Variants in NBL1 observed in about 807,000 individuals in gnomAD.
NBL1 encodes neuroblastoma suppressor of tumorigenicity 1.
In NBL1, 9 loss-of-function variants were observed where a neutral mutation model predicts 16.0. The ratio of observed to expected loss-of-function variants is 0.56; its 90% CI spans 0.34 to 0.98. The LOEUF is 0.98. Ranked by LOEUF, NBL1 falls within the 50% of genes least tolerant of loss-of-function variation. NBL1 has a pLI of 0.02. For synonymous variants in NBL1, 86 were observed against 100.7 expected (o/e 0.85, Z 0.87); for missense variants, 196 against 243.1 (o/e 0.81, Z 1.29).
intron 1 of NBL1, among the ~76,000 whole-genome samples, chr1:19,649,887 C>T (rs2095012683): frequency 6.6e-6 from 1 of 152,182 alleles, no homozygotes; most frequent in Non-Finnish European, 1.5e-5. Flanking sequence ...TCTTGAATTC[C>T]TGAGCTCAAG....
At position 19,655,325 on chromosome 1, in the gene NBL1, G is replaced by C; in HGVS notation, c.172G>C (p.Ala58Pro). 6.2e-7 allele frequency: 1 copy of C among 1,613,930 alleles called. No homozygotes were observed. Among genetic ancestry groups the C allele is most frequent in the Non-Finnish European group, 8.5e-7 (1 of 1,179,884 alleles). Residue 58 changes from alanine (A) to proline (P), a missense_variant and splice_region_variant, in exon 3 of 4, where the codon GCG becomes CCG. Transcript: ENST00000375136. ...GCEAKSIQNR[A>P]CLGQCFSYSV... The stretch of plus-strand genomic sequence containing the variant: ...GCATGGTGACCTCTCCTCCCACAGG[G>C]CGTGCCTAGGACAGTGCTTCAGCTA...
At chr1:19,654,939 T>C (rs2100441441) in intron 1 of NBL1, 73 bp from the exon 2 acceptor site, 1 of 1,468,300 alleles carries the variant, frequency 6.8e-7, no homozygotes, top group Non-Finnish European at 9.0e-7. Flanking sequence ...GATGCCAGAG[T>C]CCATGCTGTA....
intron 1 of NBL1, among the ~76,000 whole-genome samples, chr1:19,653,285 CA>C (rs10631531): frequency 4.0e-3 from 368 of 92,814 alleles, no homozygotes; most frequent in East Asian, 0.025. Flanking sequence ...GACTCCGTCT[CA>C]AAAAAAAAAA....
rs2095065895 is a variant in NBL1 at position 19,658,098 on chromosome 1, C to G, written c.*969C>G. On this transcript the variant is annotated 3_prime_UTR_variant, in exon 4 of 4. Transcript: ENST00000375136. Reference sequence around the variant, plus strand: ...TAGGCGGGATGGGCTCGCTGAACCTCGAGGAACTCCAGGACGAGGAGGACA... The same window carrying G: ...TAGGCGGGATGGGCTCGCTGAACCTGGAGGAACTCCAGGACGAGGAGGACA... 6.5e-6 allele frequency: 1 copy of G among 152,746 alleles called. No homozygotes were observed. Among genetic ancestry groups the G allele is most frequent in the African/African-American group, 2.4e-5 (1 of 41,434 alleles). The allele number at this position is 152,746 out of a possible 1,614,324, so 9.5% of individuals were successfully genotyped here.
At chr1:19,650,469 T>C (rs1232426647) in intron 1 of NBL1, among the ~76,000 whole-genome samples, 1 of 152,154 alleles carries the variant, frequency 6.6e-6, no homozygotes, top group Non-Finnish European at 1.5e-5. Context: ...CACCCTTGCC[T>C]TTCTCCCCAC....
intron 1 of NBL1, among the ~76,000 whole-genome samples, chr1:19,647,850 GGTGTGTGTGTGTGTGCGT>G (rs1388253393): frequency 7.0e-5 from 10 of 143,390 alleles, no homozygotes; most frequent in East Asian, 4.0e-4. Flanking sequence ...GGAAAGGCCT[GGTGTGTGTGTGTGTGCGT>G]GTGTGTGTGT....
chr1:19,650,179 A>G (rs2095015225), intron 1 of NBL1, among the ~76,000 whole-genome samples: 1 of 152,214 alleles, frequency 6.6e-6, no homozygotes, highest in Admixed American at 6.5e-5. Context: ...GGGCTATGCC[A>G]TATAGCCTAG....
At chr1:19,648,484 G>A (rs2094999169) in intron 1 of NBL1, among the ~76,000 whole-genome samples, 1 of 152,216 alleles carries the variant, frequency 6.6e-6, no homozygotes, top group Admixed American at 6.5e-5. Flanking sequence ...TCAGGAAAGA[G>A]GTGTCACAGG....
In NBL1 at chr1:19,645,790, AG is replaced by A. The variant is rs2094975754; in HGVS notation, c.-20+1345del. 7.8e-6 allele frequency: 11 copies of A among 1,418,894 alleles called. No individual in the cohort carries two copies. The South Asian group carries it at 1.6e-4, about 20-fold the overall frequency. 87.9% of individuals were successfully genotyped at this position (1,418,894 alleles called of 1,614,324 possible). ...TGTGTTTTGGAGGGGTGGACAGGGG[AG>A]TAGGTGTTCTGCATCGGCCAGGGAT... On this transcript the variant is annotated intron_variant, in intron 1 of 3. Transcript: ENST00000375136.
chr1:19,648,904 T>C (rs1570552428), intron 1 of NBL1, among the ~76,000 whole-genome samples: 2 of 152,202 alleles, frequency 1.3e-5, no homozygotes, highest in East Asian at 3.9e-4. Flanking sequence ...GGGTCAGCCA[T>C]GGCCACAAGA....
intron 1 of NBL1, among the ~76,000 whole-genome samples, chr1:19,653,777 C>T (rs943353600): frequency 2.6e-5 from 4 of 152,254 alleles, no homozygotes; most frequent in Non-Finnish European, 5.9e-5. Flanking sequence ...CTCCCTCTCC[C>T]GTGCTTTTTG....
At chr1:19,644,189 C>G, upstream of NBL1, 3 of 979,986 alleles carry the variant, frequency 3.1e-6, no homozygotes, top group Non-Finnish European at 3.6e-6. This position sits in a 1 kb window ranked among gnomAD's most constrained non-coding sequence, Gnocchi z 4.6. Context: ...GGAGAGGCCG[C>G]GCGCGCCCGC....
At chr1:19,645,352 A>G (rs2094972427) in intron 1 of NBL1, 2 of 985,514 alleles carry the variant, frequency 2.0e-6, no homozygotes, top group Non-Finnish European at 1.2e-6. Flanking sequence ...GCCCGCTCCC[A>G]GGGCGGGGCG....
chr1:19,657,539 A>G lies in NBL1; in HGVS notation c.*410A>G, dbSNP rs2095063060. ...CTGAGGTCCCGGGCTTAGTGTGAGCATCTTGCCAGCCTCAGGCTTGAGGGA... is the reference window on the plus strand; with the variant it reads ...CTGAGGTCCCGGGCTTAGTGTGAGCGTCTTGCCAGCCTCAGGCTTGAGGGA... On this transcript the variant is annotated 3_prime_UTR_variant, in exon 4 of 4. Transcript: ENST00000375136. 6.5e-6 allele frequency: 1 copy of G among 153,824 alleles called. No homozygotes were observed. Among genetic ancestry groups the G allele is most frequent in the Non-Finnish European group, 1.5e-5 (1 of 68,952 alleles). The allele number at this position is 153,824 out of a possible 1,614,324, so 9.5% of individuals were successfully genotyped here.
chr1:19,644,521 C>T lies in NBL1; in HGVS notation c.-20+75C>T. ...GGCCGCGGGGGCAGTGCCGCGCCCC[C>T]AGCCCGGAGCTGCGTCCCCCGGCGC... On this transcript the variant is annotated intron_variant, in intron 1 of 3. Coordinates refer to ENST00000375136, the MANE Select transcript of NBL1 (RefSeq NM_005380.8). This position sits in a 1 kb window ranked among gnomAD's most constrained non-coding sequence, Gnocchi z 4.6. 1.2e-6 allele frequency: 1 copy of T among 834,870 alleles called. No individual in the cohort carries two copies. Among genetic ancestry groups the T allele is most frequent in the Middle Eastern group, 6.1e-4 (1 of 1,644 alleles). 51.7% of individuals were successfully genotyped at this position (834,870 alleles called of 1,614,324 possible). A position where few individuals can be genotyped will look rare whatever the true frequency, so the allele number is the denominator to read the frequency against.
At position 19,644,316 on chromosome 1, in the gene NBL1, CA is replaced by C; in HGVS notation, c.-149del. The C allele has an allele frequency of 5.1e-6, 5 of 979,720 alleles. No homozygotes were observed. The highest frequency in any genetic ancestry group is 6.0e-6 in the Non-Finnish European group (5 of 827,774). 60.7% of individuals were successfully genotyped at this position (979,720 alleles called of 1,614,324 possible). A position where few individuals can be genotyped will look rare whatever the true frequency, so the allele number is the denominator to read the frequency against. On this transcript the variant is annotated 5_prime_UTR_variant, in exon 1 of 4. Coordinates refer to ENST00000375136, the MANE Select transcript of NBL1 (RefSeq NM_005380.8). The surrounding 1 kb of genome is among the most constrained non-coding windows in gnomAD (Gnocchi z 4.6). ...CCGCGCGCCCGCCCGGGGCCGCAGA[CA>C]GCGCGCAGCGCAGCCCAGCCGAGCG...
chr1:19,656,942 G>C lies in NBL1; in HGVS notation c.359G>C (p.Cys120Ser). The C allele has an allele frequency of 6.2e-7, 1 of 1,612,912 alleles. No homozygotes were observed. The highest frequency in any genetic ancestry group is 2.2e-5 in the East Asian group (1 of 44,860). The stretch of plus-strand genomic sequence containing the variant: ...GTGGAGAAGATCCTGCACTGTAGCT[G>C]CCAGGCCTGCGGCAAGGAGCCTAGT... ...KLVEKILHCS[C>S]QACGKEPSHE... Residue 120 changes from cysteine to serine, a missense_variant, in exon 4 of 4, where the codon TGC (cysteine) becomes TCC (serine). Coordinates refer to ENST00000375136, the MANE Select transcript of NBL1 (RefSeq NM_005380.8).
At position 19,644,673 on chromosome 1, in the gene NBL1, C is replaced by A. The variant is rs2094967051; in HGVS notation, c.-20+227C>A. On this transcript the variant is annotated intron_variant, in intron 1 of 3. Coordinates refer to ENST00000375136, the MANE Select transcript of NBL1 (RefSeq NM_005380.8). This position sits in a 1 kb window ranked among gnomAD's most constrained non-coding sequence, Gnocchi z 4.6. The stretch of plus-strand genomic sequence containing the variant: ...GCGGCACGGGGTGGCCGGGGGGCAC[C>A]GCCGCGTCCGGAGCCCGTCCCCAGA... Among the ~76,000 whole-genome samples, 1 of 151,738 alleles carries A rather than the reference C, an allele frequency of 6.6e-6. No individual in the cohort carries two copies. Among genetic ancestry groups the A allele is most frequent in the Non-Finnish European group, 1.5e-5 (1 of 67,852 alleles).
chr1:19,645,695 C>A, intron 1 of NBL1: 1 of 1,254,330 alleles, frequency 8.0e-7, no homozygotes, highest in Non-Finnish European at 1.0e-6. Flanking sequence ...AAAGGCGAGG[C>A]TGCAGCGTTT....
Sources: gnomAD v4.1 joint callset for allele counts (sites outside exome capture counted in the v4.1 genomes callset) on GRCh38, gnomAD v4.1.1 for gene constraint, Gnocchi (gnomAD v3.1) non-coding constraint, MANE v1.5 for transcripts, NCBI Gene and HGNC (gene_info 2026-07-23, HGNC 2026-07-21) for gene names.